VPS13D: variants seen among roughly 807,000 people sequenced by gnomAD.
The protein encoded by VPS13D is vacuolar protein sorting 13 homolog D.
VPS13D carries 187 observed loss-of-function variants against 461.9 expected under a neutral mutation model. The ratio of observed to expected loss-of-function variants is 0.40; its 90% CI spans 0.36 to 0.46. VPS13D has a LOEUF of 0.46. VPS13D is among the 20% of genes least tolerant of loss of function. The probability of loss-of-function intolerance (pLI) is 0.60; values close to 1 mark genes in which losing one functional copy is unlikely to be tolerated. For missense variants in VPS13D, 4,711 were observed against 5,364.9 expected, an observed-to-expected ratio of 0.88 and a Z score of 3.81; for synonymous variants, 1,951 against 1,986.3, an observed-to-expected ratio of 0.98 and a Z score of 0.47.
At chr1:12,503,914 A>G (rs1304493423) in intron 68 of VPS13D, among the ~76,000 whole-genome samples, 1 of 152,178 alleles carries the variant, frequency 6.6e-6, no homozygotes, top group Non-Finnish European at 1.5e-5. Context: ...GCCTGGGAGA[A>G]CTAGGCCAGG....
chr1:12,283,610 C>T lies in VPS13D; in HGVS notation c.5508C>T (p.Gly1836=), dbSNP rs368044739. 6.2e-7 allele frequency: 1 copy of T among 1,614,074 alleles called. No individual in the cohort carries two copies. The highest frequency in any genetic ancestry group is 1.3e-5 in the African/African-American group (1 of 74,920). ...WVVILDFFGI[G]STADNHAMRL... ...TGATATTAGACTTTTTTGGAATCGGCTCCACTGCAGACAACCACGCAATGA... is the reference window on the plus strand; with the variant it reads ...TGATATTAGACTTTTTTGGAATCGGTTCCACTGCAGACAACCACGCAATGA... The change falls in exon 21 of 70, where the codon GGC becomes GGT. Residue 1836 remains glycine (G), a synonymous_variant. Transcript: ENST00000620676.
At chr1:12,468,220 G>A (rs1293968589) in intron 67 of VPS13D, among the ~76,000 whole-genome samples, 1 of 152,106 alleles carries the variant, frequency 6.6e-6, no homozygotes, top group East Asian at 1.9e-4. Context: ...AAAATAAAAC[G>A]GTGTCTATTT....
chr1:12,317,028 T>C (rs1049578500), intron 30 of VPS13D, among the ~76,000 whole-genome samples: 1 of 123,042 alleles, frequency 8.1e-6, no homozygotes, highest in African/African-American at 3.1e-5. Flanking sequence ...TACCTCTAGG[T>C]TACTTAGGGG....
At chr1:12,376,396 A>G (rs1055648066) in intron 55 of VPS13D, among the ~76,000 whole-genome samples, 2 of 152,264 alleles carry the variant, frequency 1.3e-5, no homozygotes, top group Admixed American at 1.3e-4. Context: ...AGGATTAGCT[A>G]AGATAATGTA....
chr1:12,312,039 TCTGC>T, intron 29 of VPS13D, 114 bp downstream of exon 29: 4 of 828,992 alleles, frequency 4.8e-6, no homozygotes, highest in Non-Finnish European at 7.5e-6. Flanking sequence ...TGGAATGTTG[TCTGC>T]AGAGTGTCTT....
chr1:12,323,255 T>C (rs1260821946), intron 34 of VPS13D, among the ~76,000 whole-genome samples: 1 of 152,060 alleles, frequency 6.6e-6, no homozygotes, highest in African/African-American at 2.4e-5. Flanking sequence ...TACCTTTTTT[T>C]TTTAGAGACG....
chr1:12,265,437 C>T (rs1399051066), intron 13 of VPS13D, among the ~76,000 whole-genome samples: 6 of 152,134 alleles, frequency 3.9e-5, no homozygotes, highest in Non-Finnish European at 8.8e-5. Flanking sequence ...CACTCCCAGC[C>T]TCAACTTTTA....
intron 67 of VPS13D, among the ~76,000 whole-genome samples, chr1:12,481,852 A>G (rs1214302922): frequency 6.6e-6 from 1 of 152,172 alleles, no homozygotes; most frequent in African/African-American, 2.4e-5. Flanking sequence ...CCAGAAGGGA[A>G]TTTCGGGCAA....
intron 23 of VPS13D, among the ~76,000 whole-genome samples, chr1:12,293,022 A>G (rs1642178640): frequency 6.6e-6 from 1 of 152,238 alleles, no homozygotes; most frequent in African/African-American, 2.4e-5. Context: ...AACAATTTGT[A>G]GAAGTCTTCT....
At chr1:12,362,530 G>A (rs1643966470) in intron 50 of VPS13D, among the ~76,000 whole-genome samples, 190 bp from the exon 51 acceptor site, 1 of 152,194 alleles carries the variant, frequency 6.6e-6, no homozygotes, top group East Asian at 1.9e-4. Context: ...GCCTAAATGG[G>A]AATAAGGAGT....
chr1:12,423,191 T>C (rs1644884121), intron 65 of VPS13D, among the ~76,000 whole-genome samples: 1 of 152,180 alleles, frequency 6.6e-6, no homozygotes, highest in South Asian at 2.1e-4. Flanking sequence ...TAGATGGGCA[T>C]TTTCAGCCCC....
intron 64 of VPS13D, among the ~76,000 whole-genome samples, chr1:12,416,243 A>G (rs1260944892): frequency 6.6e-6 from 1 of 152,028 alleles, no homozygotes; most frequent in African/African-American, 2.4e-5. Context: ...CCCCCCACCC[A>G]CACCACAGCT....
chr1:12,478,638 A>G (rs1368253907), intron 67 of VPS13D: 4 of 360,490 alleles, frequency 1.1e-5, no homozygotes, highest in Non-Finnish European at 2.2e-5. Flanking sequence ...CTTTTCTTCA[A>G]ACAGCTTTTC....
chr1:12,314,739 A>G (rs1642844668), intron 30 of VPS13D, among the ~76,000 whole-genome samples: 1 of 152,232 alleles, frequency 6.6e-6, no homozygotes, highest in South Asian at 2.1e-4. Context: ...CTGACTCATT[A>G]TCCATGTATA....
At chr1:12,268,320 G>A (rs1175164354) in intron 15 of VPS13D, among the ~76,000 whole-genome samples, 1 of 146,484 alleles carries the variant, frequency 6.8e-6, no homozygotes, top group Non-Finnish European at 1.5e-5. Context: ...AACCAGATCA[G>A]TAGTCTTTGA....
chr1:12,240,102 G>A (rs1055134914), intron 2 of VPS13D, among the ~76,000 whole-genome samples: 1 of 152,144 alleles, frequency 6.6e-6, no homozygotes, highest in African/African-American at 2.4e-5. Context: ...TTGGCTTGGT[G>A]TAGGCTGTTG....
intron 34 of VPS13D, among the ~76,000 whole-genome samples, chr1:12,323,444 G>A (rs1643096516): frequency 1.3e-5 from 2 of 151,978 alleles, no homozygotes; most frequent in African/African-American, 4.8e-5. Flanking sequence ...GAATGAAGGG[G>A]CCAGATGCGA....
In VPS13D at chr1:12,265,859, G is replaced by A. The variant is rs555613369; in HGVS notation, c.1595-1022G>A. On this transcript the variant is annotated intron_variant, in intron 13 of 69. Coordinates refer to ENST00000620676, the MANE Select transcript of VPS13D (RefSeq NM_015378.4). ...TCCTGGTGAAGATACTATGAACACT[G>A]TTGAAATGACAACCCAAGGCTGGGC... Among the ~76,000 whole-genome samples, 9 of 152,288 alleles carry A rather than the reference G, an allele frequency of 5.9e-5. No homozygotes were observed. In the South Asian group the frequency reaches 1.2e-3, roughly 21 times the overall value.
chr1:12,294,748 G>T (rs1439248562), intron 24 of VPS13D, among the ~76,000 whole-genome samples: 1 of 152,104 alleles, frequency 6.6e-6, no homozygotes, highest in Non-Finnish European at 1.5e-5. Flanking sequence ...GGAGGCGGAG[G>T]TTGGAGTGAG....
Sources: gnomAD v4.1 joint callset for allele counts (sites outside exome capture counted in the v4.1 genomes callset) on GRCh38, gnomAD v4.1.1 for gene constraint, MANE v1.5 for transcripts, NCBI Gene and HGNC (gene_info 2026-07-23, HGNC 2026-07-21) for gene names.